MSI2: variants seen among roughly 807,000 people sequenced by gnomAD.
MSI2 encodes RNA-binding protein Musashi homolog 2.
Under a neutral mutation model 45.6 loss-of-function variants are expected in MSI2, and 17 were observed. The observed-to-expected ratio is 0.37, with a 90% CI of 0.26 to 0.56. The LOEUF (loss-of-function observed/expected upper bound fraction) is 0.56. Among genes scored for constraint, MSI2 ranks in the 20% least tolerant of loss-of-function variants. MSI2 has a pLI of 0.77. For synonymous variants in MSI2, 156 were observed against 158.2 expected (o/e 0.99, Z 0.11); for missense variants, 293 against 444.2 (o/e 0.66, Z 3.06).
At chr17:57,650,480 G>T (rs989395014) in intron 10 of MSI2, among the ~76,000 whole-genome samples, 1 of 152,108 alleles carries the variant, frequency 6.6e-6, no homozygotes, top group Non-Finnish European at 1.5e-5. Flanking sequence ...ATGGGGAGAG[G>T]ACTTGGTTGG....
chr17:57,481,660 G>GA (rs1382451713), intron 6 of MSI2, among the ~76,000 whole-genome samples: 2 of 152,170 alleles, frequency 1.3e-5, no homozygotes, highest in African/African-American at 4.8e-5. Context: ...TGTTTCATTT[G>GA]AAAATGTAAA....
chr17:57,288,698 G>A (rs1475842355), intron 5 of MSI2, among the ~76,000 whole-genome samples: 1 of 152,212 alleles, frequency 6.6e-6, no homozygotes, highest in Non-Finnish European at 1.5e-5. Context: ...AGTGAGTGGT[G>A]TTACAGGGAA....
chr17:57,653,962 G>A (rs1287203686), intron 11 of MSI2, among the ~76,000 whole-genome samples: 1 of 145,290 alleles, frequency 6.9e-6, no homozygotes, highest in Non-Finnish European at 1.5e-5. Context: ...CGGGATCAAT[G>A]GTGTTTGATT....
At chr17:57,312,839 C>T (rs1269693786) in intron 5 of MSI2, among the ~76,000 whole-genome samples, 1 of 152,070 alleles carries the variant, frequency 6.6e-6, no homozygotes, top group Admixed American at 6.5e-5. Context: ...TTCCCCTTTG[C>T]AAAGGTCGAC....
intron 6 of MSI2, among the ~76,000 whole-genome samples, chr17:57,459,460 G>A (rs868019651): frequency 3.7e-4 from 56 of 152,302 alleles, no homozygotes; most frequent in African/African-American, 1.3e-3. Context: ...ATGGTAGGAG[G>A]CCCTGAACTT....
intron 8 of MSI2, among the ~76,000 whole-genome samples, chr17:57,604,062 G>A (rs1041021689): frequency 6.6e-6 from 1 of 152,238 alleles, no homozygotes; most frequent in Non-Finnish European, 1.5e-5. Context: ...ACAGGGTGCT[G>A]TCAACCAGGG....
chr17:57,386,495 A>G (rs1462823223), intron 5 of MSI2, among the ~76,000 whole-genome samples: 1 of 152,164 alleles, frequency 6.6e-6, no homozygotes, highest in African/African-American at 2.4e-5. Context: ...TTGAATGCCT[A>G]CCATGTGCTA....
intron 7 of MSI2, among the ~76,000 whole-genome samples, chr17:57,584,863 C>T (rs890625462): frequency 6.6e-6 from 1 of 151,790 alleles, no homozygotes; most frequent in East Asian, 1.9e-4. Flanking sequence ...GCTCTGTCAC[C>T]CAGGCTAGAA....
chr17:57,279,544 G>A (rs775294619), intron 5 of MSI2: 1 of 152,254 alleles, frequency 6.6e-6, no homozygotes, highest in Non-Finnish European at 1.5e-5. Context: ...GCCCAAAGCT[G>A]GGGAATAGCA....
chr17:57,316,091 G>T (rs951025058), intron 5 of MSI2, among the ~76,000 whole-genome samples: 1 of 151,856 alleles, frequency 6.6e-6, no homozygotes, highest in Admixed American at 6.6e-5. Flanking sequence ...GAGTACACCT[G>T]GTCTTGTTAC....
intron 6 of MSI2, among the ~76,000 whole-genome samples, chr17:57,405,398 T>G (rs1415646035): frequency 3.3e-5 from 5 of 152,172 alleles, no homozygotes; most frequent in African/African-American, 1.2e-4. Flanking sequence ...TGGACCATAG[T>G]TTGCTGACCC....
chr17:57,628,978 G>A (rs1909087427), intron 10 of MSI2: 1 of 152,904 alleles, frequency 6.5e-6, no homozygotes, highest in Admixed American at 6.5e-5. Flanking sequence ...AGGCACAGAG[G>A]TAGAAACTCC....
intron 5 of MSI2, among the ~76,000 whole-genome samples, chr17:57,327,563 CTCT>C (rs1377075503): frequency 1.3e-5 from 2 of 152,218 alleles, no homozygotes; most frequent in Non-Finnish European, 2.9e-5. Context: ...TTCAACACGT[CTCT>C]TCTTTGTGGC....
chr17:57,466,316 C>T lies in MSI2; in HGVS notation c.406-63360C>T, dbSNP rs865974034. 7.1e-4 allele frequency among the ~76,000 whole-genome samples: 108 copies of T among 152,316 alleles called. 1 individual carries two copies. Among genetic ancestry groups the T allele is most frequent in the African/African-American group, 2.6e-3 (107 of 41,570 alleles). On this transcript the variant is annotated intron_variant, in intron 6 of 13. Transcript: ENST00000284073. ...GTGGGTTCTTTACACTTGCTGGTAA[C>T]CTGGCCTCTCCCAGGCCCGCTGTGG...
At chr17:57,401,246 G>T (rs1034923788) in intron 5 of MSI2, 133 bp from the exon 6 acceptor site, 1 of 703,018 alleles carries the variant, frequency 1.4e-6, no homozygotes, top group East Asian at 2.6e-5. Context: ...CTAAACGCCC[G>T]CGCCATGCAG....
intron 5 of MSI2, among the ~76,000 whole-genome samples, chr17:57,360,463 C>T (rs1221735873): frequency 6.6e-6 from 1 of 152,238 alleles, no homozygotes; most frequent in African/African-American, 2.4e-5. Context: ...TGTCCAAGGG[C>T]TCCAGGTTCC....
intron 5 of MSI2, among the ~76,000 whole-genome samples, chr17:57,358,220 T>G (rs1319742745): frequency 2.0e-5 from 3 of 152,094 alleles, no homozygotes; most frequent in Admixed American, 1.3e-4. Context: ...TGTGTGTGTG[T>G]GTGTGTGTTT....
intron 6 of MSI2, among the ~76,000 whole-genome samples, chr17:57,497,395 C>A (rs182613088): frequency 6.6e-6 from 1 of 152,202 alleles, no homozygotes; most frequent in Non-Finnish European, 1.5e-5. Context: ...GGAAAGGGAA[C>A]AGGACTTTGG....
chr17:57,485,585 G>T (rs908170377), intron 6 of MSI2, among the ~76,000 whole-genome samples: 2 of 152,148 alleles, frequency 1.3e-5, no homozygotes, highest in Non-Finnish European at 2.9e-5. Context: ...TTCAACAGTT[G>T]GGGAAATGTG....
Sources: gnomAD v4.1 joint callset for allele counts (sites outside exome capture counted in the v4.1 genomes callset) on GRCh38, gnomAD v4.1.1 for gene constraint, MANE v1.5 for transcripts, NCBI Gene and HGNC (gene_info 2026-07-23, HGNC 2026-07-21) for gene names.